Variants in ANKRD12 observed in about 807,000 individuals in gnomAD.
The protein encoded by ANKRD12 is ankyrin repeat domain-containing protein 12.
In ANKRD12, 85 loss-of-function variants were observed where a neutral mutation model predicts 183.4. The observed-to-expected ratio is 0.46, with a 90% CI of 0.39 to 0.56. The LOEUF (loss-of-function observed/expected upper bound fraction) is 0.56. Ranked by LOEUF, ANKRD12 falls within the 20% of genes least tolerant of loss-of-function variation. The probability of loss-of-function intolerance (pLI) is 0.00; values close to 1 mark genes in which losing one functional copy is unlikely to be tolerated. For synonymous variants in ANKRD12, 914 were observed against 800.2 expected (o/e 1.14, Z -2.40); for missense variants, 2,405 against 2,357.1 (o/e 1.02, Z -0.42).
intron 8 of ANKRD12, among the ~76,000 whole-genome samples, chr18:9,222,697 A>G (rs1471449191): frequency 1.3e-5 from 2 of 152,192 alleles, no homozygotes; most frequent in Admixed American, 6.5e-5. Context: ...AATAAAAACC[A>G]TACTTCACTC....
intron 11 of ANKRD12, among the ~76,000 whole-genome samples, chr18:9,277,104 T>C (rs78197021): frequency 0.014 from 2,169 of 152,254 alleles, 53 homozygotes; most frequent in African/African-American, 0.05. Context: ...TGAGTAAATA[T>C]ATACATACCT....
chr18:9,165,232 GTT>G (rs1271369691), intron 1 of ANKRD12, among the ~76,000 whole-genome samples: 1 of 151,926 alleles, frequency 6.6e-6, no homozygotes, highest in Non-Finnish European at 1.5e-5. Flanking sequence ...GCTTTTTTCT[GTT>G]TTCCATTGCT....
chr18:9,267,766 AAGATC>A (rs760421366), intron 10 of ANKRD12, among the ~76,000 whole-genome samples: 33 of 152,330 alleles, frequency 2.2e-4, no homozygotes, highest in Middle Eastern at 3.4e-3. Flanking sequence ...AGAAATAACT[AAGATC>A]AGAGCAGAAC....
At chr18:9,245,190 C>A (rs902997074) in intron 8 of ANKRD12, among the ~76,000 whole-genome samples, 1 of 151,952 alleles carries the variant, frequency 6.6e-6, no homozygotes, top group Non-Finnish European at 1.5e-5. Flanking sequence ...TGGCTCACAC[C>A]TGGAATCCCA....
rs1190478174 is a variant in ANKRD12, at chr18:9,254,758, T to C, written c.1491T>C (p.Asn497=). The change falls in exon 9 of 13, where the codon AAT becomes AAC. Residue 497 remains asparagine, a synonymous_variant. Transcript: ENST00000262126. ...AGCAAGAAAAGGAAGGAAAAGAAAA[T>C]ACAAGAATAACAAACTTGACAGTAA... is the stretch of plus-strand genomic sequence containing the variant. ...ELKQEKEGKE[N]TRITNLTVNT... The C allele has an allele frequency of 5.5e-6, 8 of 1,466,582 alleles. No homozygotes were observed. The highest frequency in any genetic ancestry group is 2.9e-5 in the African/African-American group (2 of 69,262). The allele number at this position is 1,466,582 out of a possible 1,614,324, so 90.8% of individuals were successfully genotyped here.
intron 10 of ANKRD12, among the ~76,000 whole-genome samples, chr18:9,271,940 G>A (rs1197882938): frequency 6.6e-6 from 1 of 152,110 alleles, no homozygotes; most frequent in Admixed American, 6.5e-5. Context: ...TAAGAGCAAC[G>A]CTGTTCAAGG....
intron 1 of ANKRD12, among the ~76,000 whole-genome samples, chr18:9,178,343 C>CTCTCTCTCTCTCTCTCTCTCTCTCTT (rs35964343): frequency 6.6e-5 from 10 of 150,998 alleles, no homozygotes; most frequent in African/African-American, 2.4e-4. Flanking sequence ...CTCTCTCTCT[C>CTCTCTCTCTCTCTCTCTCTCTCTCTT]GTTTTTTGCA....
At chr18:9,189,247 C>T (rs1253069241) in intron 2 of ANKRD12, among the ~76,000 whole-genome samples, 2 of 152,108 alleles carry the variant, frequency 1.3e-5, no homozygotes, top group African/African-American at 4.8e-5. Context: ...AAGGCCCTCT[C>T]CTCAATTCTG....
At chr18:9,190,742 G>C (rs545256247) in intron 2 of ANKRD12, among the ~76,000 whole-genome samples, 1 of 152,128 alleles carries the variant, frequency 6.6e-6, no homozygotes, top group East Asian at 1.9e-4. Flanking sequence ...GCAATCTTTA[G>C]CATATTTTAG....
At chr18:9,270,523 C>A (rs1268292036) in intron 10 of ANKRD12, among the ~76,000 whole-genome samples, 1 of 152,090 alleles carries the variant, frequency 6.6e-6, no homozygotes, top group African/African-American at 2.4e-5. Flanking sequence ...GGACAAAAAA[C>A]CAAACAGTGC....
chr18:9,183,723 C>T (rs1302186705), intron 2 of ANKRD12, among the ~76,000 whole-genome samples: 5 of 151,976 alleles, frequency 3.3e-5, no homozygotes, highest in African/African-American at 1.2e-4. Flanking sequence ...ACCTTTACTT[C>T]TCGCCCCCCT....
chr18:9,165,667 G>C (rs2031961485), intron 1 of ANKRD12, among the ~76,000 whole-genome samples: 1 of 151,920 alleles, frequency 6.6e-6, no homozygotes, highest in Middle Eastern at 3.2e-3. Context: ...CTTCCATGCT[G>C]TACATGACAT....
intron 8 of ANKRD12, among the ~76,000 whole-genome samples, chr18:9,248,205 T>C (rs2038075967): frequency 6.6e-6 from 1 of 152,218 alleles, no homozygotes; most frequent in Non-Finnish European, 1.5e-5. Flanking sequence ...GGGATTTTGC[T>C]GGGGTTTAAT....
intron 8 of ANKRD12, among the ~76,000 whole-genome samples, chr18:9,250,408 G>C (rs1479679425): frequency 3.9e-5 from 6 of 152,134 alleles, no homozygotes; most frequent in Admixed American, 1.3e-4. Flanking sequence ...AGTGGGAATA[G>C]AGAGAAAACG....
chr18:9,189,252 A>G (rs11663949), intron 2 of ANKRD12, among the ~76,000 whole-genome samples: 15,859 of 152,188 alleles, frequency 0.1, 956 homozygotes, highest in Middle Eastern at 0.15. Context: ...CCTCTCCTCA[A>G]TTCTGTGAAG....
rs940611705 is a variant in ANKRD12 at position 9,284,699 on chromosome 18, A to T, written c.*3573A>T. On this transcript the variant is annotated 3_prime_UTR_variant, in exon 13 of 13. Coordinates refer to ENST00000262126, the MANE Select transcript of ANKRD12 (RefSeq NM_015208.5). ...AAGCCTCCACAGAGATAGTCACCCAAAGTATTTCCAGTCAGTAAAAGTAGA... is the reference window on the plus strand; with the variant it reads ...AAGCCTCCACAGAGATAGTCACCCATAGTATTTCCAGTCAGTAAAAGTAGA... The T allele has an allele frequency of 2.0e-5, 3 of 152,152 alleles. No individual in the cohort carries two copies. Among genetic ancestry groups the T allele is most frequent in the Non-Finnish European group, 4.4e-5 (3 of 68,032 alleles). The allele number at this position is 152,152 out of a possible 1,614,324, so 9.4% of individuals were successfully genotyped here. A position where few individuals can be genotyped will look rare whatever the true frequency, so the allele number is the denominator to read the frequency against.
intron 1 of ANKRD12, among the ~76,000 whole-genome samples, chr18:9,165,665 C>T (rs529327766): frequency 1.3e-5 from 2 of 151,998 alleles, no homozygotes; most frequent in Non-Finnish European, 2.9e-5. Context: ...TTCTTCCATG[C>T]TGTACATGAC....
chr18:9,198,330 A>G (rs2034963308), intron 3 of ANKRD12, among the ~76,000 whole-genome samples: 1 of 151,440 alleles, frequency 6.6e-6, no homozygotes, highest in African/African-American at 2.4e-5. Context: ...AAAGAAATAC[A>G]TGAAAAAAAT....
At chr18:9,211,853 T>C in intron 6 of ANKRD12, 69 bp downstream of exon 6, 1 of 1,292,990 alleles carries the variant, frequency 7.7e-7, no homozygotes, top group Non-Finnish European at 1.1e-6. Flanking sequence ...TACAATTTAA[T>C]CTACATTCTT....
Sources: gnomAD v4.1 joint callset for allele counts (sites outside exome capture counted in the v4.1 genomes callset) on GRCh38, gnomAD v4.1.1 for gene constraint, MANE v1.5 for transcripts, NCBI Gene and HGNC (gene_info 2026-07-23, HGNC 2026-07-21) for gene names.